TEX48: variants seen among roughly 807,000 people sequenced by gnomAD.
The protein encoded by TEX48 is testis-expressed protein 48.
In TEX48, 10 loss-of-function variants were observed where a neutral mutation model predicts 13.2. That is an observed-to-expected ratio of 0.75 (90% CI 0.47 to 1.28). The LOEUF (loss-of-function observed/expected upper bound fraction) is 1.28. TEX48 is among the 50% of genes most tolerant of loss of function. The probability of loss-of-function intolerance (pLI) is 0.00; values close to 1 mark genes in which losing one functional copy is unlikely to be tolerated. For missense variants in TEX48, 116 were observed against 139.4 expected, an observed-to-expected ratio of 0.83 and a Z score of 0.84; for synonymous variants, 45 against 52.3, an observed-to-expected ratio of 0.86 and a Z score of 0.60.
At chr9:114,668,084 G>A in intron 4 of TEX48, 122 bp downstream of exon 4, 2 of 1,269,468 alleles carry the variant, frequency 1.6e-6, no homozygotes, top group South Asian at 2.9e-5. Flanking sequence ...GGGGCTGCTT[G>A]ATGGGAGCAA....
At chr9:114,667,270 A>G (rs1277447575) in intron 4 of TEX48, among the ~76,000 whole-genome samples, 3 of 152,138 alleles carry the variant, frequency 2.0e-5, no homozygotes, top group Non-Finnish European at 4.4e-5. Flanking sequence ...GGGTTGGATA[A>G]TCCTTAGTTC....
At chr9:114,670,415 C>G (rs1294549634) in intron 3 of TEX48, among the ~76,000 whole-genome samples, 2 of 152,050 alleles carry the variant, frequency 1.3e-5, no homozygotes, top group Non-Finnish European at 2.9e-5. Context: ...GGGACTCTGC[C>G]ACGTTCCTGG....
Position 114,671,816 on chromosome 9 carries a change from C to A in TEX48, c.-93G>T. 3 of 1,409,088 alleles carry A rather than the reference C, an allele frequency of 2.1e-6. No homozygotes were observed. Among genetic ancestry groups the A allele is most frequent in the Non-Finnish European group, 2.9e-6 (3 of 1,032,132 alleles). 87.3% of individuals were successfully genotyped at this position (1,409,088 alleles called of 1,614,324 possible). On this transcript the variant is annotated 5_prime_UTR_variant, in exon 2 of 5. Coordinates refer to ENST00000436752, the MANE Select transcript of TEX48 (RefSeq NM_001199233.2). ...TTGAGTTTGAGCCCAGTTCACTGGG[C>A]TGGGCTGTTTCCTAAGTAAACATAA...
At chr9:114,681,832 G>C (rs1035323030) in intron 1 of TEX48, among the ~76,000 whole-genome samples, 3 of 151,746 alleles carry the variant, frequency 2.0e-5, no homozygotes, top group African/African-American at 7.3e-5. Context: ...CGCTGCGGGC[G>C]GGGGTGGGGG....
chr9:114,668,133 G>C (rs778957032), intron 4 of TEX48, 73 bp downstream of exon 4: 7 of 1,519,400 alleles, frequency 4.6e-6, no homozygotes, highest in Non-Finnish European at 6.2e-6. Context: ...GTATCAATGG[G>C]GTCTGGTTAT....
chr9:114,670,735 T>C (rs1389574837), intron 3 of TEX48, among the ~76,000 whole-genome samples: 2 of 152,160 alleles, frequency 1.3e-5, no homozygotes, highest in Non-Finnish European at 2.9e-5. Flanking sequence ...ACATTTTTAT[T>C]TTGTAAACCA....
In TEX48 at chr9:114,671,502, GC is replaced by G; in HGVS notation, c.7del (p.Ala3ProfsTer5). On this transcript the variant is annotated frameshift_variant and splice_region_variant, in exon 3 of 5. Coordinates refer to ENST00000436752, the MANE Select transcript of TEX48 (RefSeq NM_001199233.2). LOFTEE classifies it high-confidence loss of function. ...GATCTTCAAGATCAGGTTTTGGTGG[GC>G]TGCTGTTGGAGGCAAAGGAATGAGG... MA[A>X]HQNLILKIFC... 6.5e-7 allele frequency: 1 copy of G among 1,529,046 alleles called. No homozygotes were observed. Among genetic ancestry groups the G allele is most frequent in the Middle Eastern group, 1.7e-4 (1 of 5,984 alleles). 94.7% of individuals were successfully genotyped at this position (1,529,046 alleles called of 1,614,324 possible).
intron 1 of TEX48, among the ~76,000 whole-genome samples, chr9:114,677,202 A>G (rs16930792): frequency 0.058 from 8,848 of 151,546 alleles, 472 homozygotes; most frequent in East Asian, 0.2. Context: ...CCAATCTCCA[A>G]TAGTCTTTTG....
Position 114,668,262 on chromosome 9 carries a change from C to T in TEX48, c.203G>A (p.Arg68Lys). 1 of 1,535,612 alleles carries T rather than the reference C, an allele frequency of 6.5e-7. No homozygotes were observed. Among genetic ancestry groups the T allele is most frequent in the Non-Finnish European group, 8.7e-7 (1 of 1,146,834 alleles). The change falls in exon 4 of 5, where the codon AGA (arginine) becomes AAA (lysine). Residue 68 changes from arginine (R) to lysine (K), a missense_variant. Arg to Lys is a conservative substitution (Grantham distance 26). Transcript: ENST00000436752. ...CTTTTTTGTCTGGATCAGGGGTGTT[C>T]TCGAAGGCAAATGGGAGACTGCGTT... ...RINAVSHLPS[R>K]TPLIQTKKST...
At chr9:114,675,741 C>T (rs778153432) in intron 1 of TEX48, among the ~76,000 whole-genome samples, 1 of 152,244 alleles carries the variant, frequency 6.6e-6, no homozygotes, top group Non-Finnish European at 1.5e-5. Context: ...AGATCCAACT[C>T]CTTTTGTGAT....
At chr9:114,670,340 A>T (rs1827922453) in intron 3 of TEX48, among the ~76,000 whole-genome samples, 1 of 152,150 alleles carries the variant, frequency 6.6e-6, no homozygotes, top group African/African-American at 2.4e-5. Flanking sequence ...CAGGGAAAGT[A>T]TTTTAAAGAC....
intron 1 of TEX48, 93 bp from the exon 2 acceptor site, chr9:114,671,920 A>G: frequency 1.6e-6 from 1 of 614,570 alleles, no homozygotes; most frequent in Non-Finnish European, 2.9e-6. Context: ...ATCCCACCTC[A>G]TGCAGACATG....
intron 1 of TEX48, 99 bp downstream of exon 1, chr9:114,681,936 A>G (rs1480666541): frequency 2.0e-5 from 3 of 152,312 alleles, no homozygotes; most frequent in African/African-American, 7.2e-5. Context: ...TCTTGGAGCA[A>G]AATGAATAGG....
chr9:114,681,034 T>C (rs1165931897), intron 1 of TEX48, among the ~76,000 whole-genome samples: 1 of 152,246 alleles, frequency 6.6e-6, no homozygotes, highest in Non-Finnish European at 1.5e-5. Context: ...TTTTGTTTCA[T>C]GTAGTGAATG....
intron 3 of TEX48, among the ~76,000 whole-genome samples, chr9:114,669,272 ATTAT>A (rs546006912): frequency 1.3e-5 from 2 of 151,906 alleles, no homozygotes; most frequent in African/African-American, 2.4e-5. Flanking sequence ...CCAATGTTGT[ATTAT>A]TTATTTATTT....
In TEX48 at chr9:114,672,329, G is replaced by A. The variant is rs115978728; in HGVS notation, c.-104-502C>T. Among the ~76,000 whole-genome samples the A allele has an allele frequency of 3.0e-3, 462 of 152,314 alleles. 3 individuals are homozygous for A. The highest frequency in any genetic ancestry group is 0.011 in the African/African-American group (450 of 41,566). On this transcript the variant is annotated intron_variant, in intron 1 of 4. Transcript: ENST00000436752. Reference sequence around the variant, plus strand: ...TCAGGCTCCTCGTCAGTAGTAAGAAGTTAGGCTGGATGATCTCCTCAAGGA... The same window carrying A: ...TCAGGCTCCTCGTCAGTAGTAAGAAATTAGGCTGGATGATCTCCTCAAGGA...
chr9:114,670,100 T>TTG (rs1827917351), intron 3 of TEX48, among the ~76,000 whole-genome samples: 3 of 152,228 alleles, frequency 2.0e-5, no homozygotes, highest in African/African-American at 7.2e-5. Context: ...TCAATTTGAA[T>TTG]ACTAATGTCT....
chr9:114,666,782 G>A (rs1827849775), intron 4 of TEX48, 36 bp from the exon 5 acceptor site: 1 of 1,123,942 alleles, frequency 8.9e-7, no homozygotes, highest in Non-Finnish European at 1.3e-6. Context: ...GCTGGGTGAA[G>A]GCCTTTGAAT....
intron 1 of TEX48, among the ~76,000 whole-genome samples, chr9:114,679,855 C>T (rs1052743650): frequency 1.3e-5 from 2 of 152,208 alleles, no homozygotes; most frequent in Non-Finnish European, 2.9e-5. Flanking sequence ...CTAGGGTACA[C>T]CTGACCAATT....
Sources: gnomAD v4.1 joint callset for allele counts (sites outside exome capture counted in the v4.1 genomes callset) on GRCh38, gnomAD v4.1.1 for gene constraint, MANE v1.5 for transcripts, NCBI Gene and HGNC (gene_info 2026-07-23, HGNC 2026-07-21) for gene names.